The following SRSF10 variants were observed in gnomAD, a reference collection of about 807,000 sequenced individuals.
SRSF10 encodes serine/arginine-rich splicing factor 10.
SRSF10 carries 9 observed loss-of-function variants against 32.6 expected under a neutral mutation model. That is an observed-to-expected ratio of 0.28 (90% CI 0.17 to 0.48). The LOEUF (loss-of-function observed/expected upper bound fraction) is 0.48. Ranked by LOEUF, SRSF10 falls within the 20% of genes least tolerant of loss-of-function variation. The probability of loss-of-function intolerance (pLI) is 0.99; values close to 1 mark genes in which losing one functional copy is unlikely to be tolerated. For missense variants in SRSF10, 201 were observed against 331.8 expected, an observed-to-expected ratio of 0.61 and a Z score of 3.06; for synonymous variants, 105 against 112.4, an observed-to-expected ratio of 0.93 and a Z score of 0.42.
rs1379413227 is a variant in SRSF10, at chr1:23,970,366, T to TG, written c.*775_*776insC. On this transcript the variant is annotated 3_prime_UTR_variant, in exon 6 of 6. Coordinates refer to ENST00000492112, the MANE Select transcript of SRSF10 (RefSeq NM_054016.4). ...TTATCATTGGCCTAGACATCCGGTTTTTTTTTTTTTTTGAGACGGAGTCTC... is the reference window on the plus strand; with the variant it reads ...TTATCATTGGCCTAGACATCCGGTTTGTTTTTTTTTTTTGAGACGGAGTCTC... The TG allele has an allele frequency of 1.0e-6, 1 of 979,820 alleles. No homozygotes were observed. The highest frequency in any genetic ancestry group is 1.2e-6 in the Non-Finnish European group (1 of 826,172). The allele number at this position is 979,820 out of a possible 1,614,324, so 60.7% of individuals were successfully genotyped here.
chr1:23,971,977 C>T lies in SRSF10; in HGVS notation c.310G>A (p.Val104Met). The T allele has an allele frequency of 1.3e-6, 2 of 1,542,716 alleles. No homozygotes were observed. Among genetic ancestry groups the T allele is most frequent in the Non-Finnish European group, 1.7e-6 (2 of 1,151,866 alleles). ...TCATCATAGCGTGAAGAACTGTACA[C>T]ATTCCTCCCTTCCTTGGCTTTCATC... ...NQMKAKEGRN[V>M]YSSSRYDDYD... Residue 104 changes from valine (V) to methionine (M), a missense_variant, in exon 4 of 6, where the codon GTG (valine) becomes ATG (methionine). Val to Met is a conservative substitution (Grantham distance 21). Around this residue, in one of 3 missense-constraint regions of SRSF10, gnomAD observed 159 missense variants for 196.7 expected, o/e 0.81. Transcript: ENST00000492112.
chr1:23,971,886 A>G lies in SRSF10; in HGVS notation c.401T>C (p.Phe134Ser). ...ATACGATCTTCTATAGTTGTAATCAAAAGACCGACTTCTTGATCTCCTCCT... is the reference window on the plus strand; with the variant it reads ...ATACGATCTTCTATAGTTGTAATCAGAAGACCGACTTCTTGATCTCCTCCT... The part of the protein sequence containing the change: ...YERRRSRSRS[F>S]DYNYRRSYSP... Residue 134 changes from phenylalanine to serine, a missense_variant, in exon 4 of 6, where the codon TTT (phenylalanine) becomes TCT (serine). Phe to Ser is a radical substitution (Grantham distance 155). Coordinates refer to ENST00000492112, the MANE Select transcript of SRSF10 (RefSeq NM_054016.4). 6.2e-7 allele frequency: 1 copy of G among 1,609,706 alleles called. No homozygotes were observed. Among genetic ancestry groups the G allele is most frequent in the South Asian group, 1.1e-5 (1 of 90,250 alleles).
At chr1:23,978,896 G>C in intron 1 of SRSF10, 79 bp from the exon 2 acceptor site, 2 of 1,285,312 alleles carry the variant, frequency 1.6e-6, no homozygotes, top group South Asian at 3.2e-5. Context: ...TTTGATGAAG[G>C]AAAGCTAGGA....
At chr1:23,974,869 C>T (rs1474710237) in intron 3 of SRSF10, 105 bp downstream of exon 3, 2 of 807,380 alleles carry the variant, frequency 2.5e-6, no homozygotes, top group Non-Finnish European at 4.1e-6. Flanking sequence ...AAAAAAAGAT[C>T]CCTTTGGGTT....
chr1:23,977,871 T>TAAA (rs34976283), intron 2 of SRSF10: 879 of 841,454 alleles, frequency 1.0e-3, no homozygotes, highest in Middle Eastern at 3.0e-3. Context: ...TACAAAACAT[T>TAAA]AAAAAAAAAA....
rs1179629054 is a variant in SRSF10 at position 23,969,053 on chromosome 1, T to C, written c.*2089A>G. Reference sequence around the variant, plus strand: ...ATTGTTATTTTAGAATCATATTCAATACTGTAATAATTCCAGTTAATCATT... The same window carrying C: ...ATTGTTATTTTAGAATCATATTCAACACTGTAATAATTCCAGTTAATCATT... On this transcript the variant is annotated 3_prime_UTR_variant, in exon 6 of 6. Coordinates refer to ENST00000492112, the MANE Select transcript of SRSF10 (RefSeq NM_054016.4). The C allele has an allele frequency of 2.4e-5, 20 of 847,030 alleles. No homozygotes were observed. The highest frequency in any genetic ancestry group is 2.8e-5 in the Non-Finnish European group (20 of 703,382). The allele number at this position is 847,030 out of a possible 1,614,324, so 52.5% of individuals were successfully genotyped here. A position where few individuals can be genotyped will look rare whatever the true frequency, so the allele number is the denominator to read the frequency against.
rs1641656235 is a variant in SRSF10, at chr1:23,970,132, C to T, written c.*1010G>A. ...TTAGAATAACTACATAAGAATATTC[C>T]TTTTTCCTTAAAATTATTTTTGCCA... On this transcript the variant is annotated 3_prime_UTR_variant, in exon 6 of 6. Transcript: ENST00000492112. The T allele has an allele frequency of 2.0e-6, 2 of 985,142 alleles. No homozygotes were observed. Among genetic ancestry groups the T allele is most frequent in the South Asian group, 4.7e-5 (1 of 21,290 alleles). The allele number at this position is 985,142 out of a possible 1,614,324, so 61.0% of individuals were successfully genotyped here. A position where few individuals can be genotyped will look rare whatever the true frequency, so the allele number is the denominator to read the frequency against.
Position 23,970,895 on chromosome 1 carries a change from T to C in SRSF10, c.*247A>G. The C allele has an allele frequency of 8.3e-7, 1 of 1,207,934 alleles. No individual in the cohort carries two copies. The highest frequency in any genetic ancestry group is 1.0e-6 in the Non-Finnish European group (1 of 972,882). The allele number at this position is 1,207,934 out of a possible 1,614,324, so 74.8% of individuals were successfully genotyped here. ...CACCAAATACTTCAAGCATAAAAAATGAGAATCTTTACAAAAATATACAGA... is the reference window on the plus strand; with the variant it reads ...CACCAAATACTTCAAGCATAAAAAACGAGAATCTTTACAAAAATATACAGA... On this transcript the variant is annotated 3_prime_UTR_variant, in exon 6 of 6. Transcript: ENST00000492112.
chr1:23,976,010 C>A (rs1189637832), intron 2 of SRSF10: 1 of 152,204 alleles, frequency 6.6e-6, no homozygotes, highest in Non-Finnish European at 1.5e-5. Context: ...TATAGCTATT[C>A]TGTCCAAACC....
Position 23,970,611 on chromosome 1 carries a change from G to A in SRSF10, c.*531C>T, listed in dbSNP as rs1136890. 451,807 of 925,468 alleles carry A rather than the reference G, an allele frequency of 0.49. 113,484 individuals carry two copies. Among genetic ancestry groups the A allele is most frequent in the East Asian group, 0.57 (4,800 of 8,488 alleles). 57.3% of individuals were successfully genotyped at this position (925,468 alleles called of 1,614,324 possible). A position where few individuals can be genotyped will look rare whatever the true frequency, so the allele number is the denominator to read the frequency against. Reference sequence around the variant, plus strand: ...CCTGACCTCGTGATCCGCCCGCCTCGGCCTCCCAAAGTGCTGGGATTACAG... The same window carrying A: ...CCTGACCTCGTGATCCGCCCGCCTCAGCCTCCCAAAGTGCTGGGATTACAG... On this transcript the variant is annotated 3_prime_UTR_variant, in exon 6 of 6. Transcript: ENST00000492112.
At position 23,964,933 on chromosome 1, in the gene SRSF10, CCTCA is replaced by C. The variant is rs1165293706; in HGVS notation, c.*6205_*6208del. On this transcript the variant is annotated 3_prime_UTR_variant, in exon 6 of 6. Transcript: ENST00000492112. ...GGTTAGTTCTCAATGAATTTACATG[CCTCA>C]CTTTTTATTCCAAGAAAAATCCCCA... The C allele has an allele frequency of 1.3e-5, 2 of 151,934 alleles. No homozygotes were observed. The highest frequency in any genetic ancestry group is 2.9e-5 in the Non-Finnish European group (2 of 67,866). The allele number at this position is 151,934 out of a possible 1,614,324, so 9.4% of individuals were successfully genotyped here. A position where few individuals can be genotyped will look rare whatever the true frequency, so the allele number is the denominator to read the frequency against.
Position 23,969,427 on chromosome 1 carries a change from G to C in SRSF10, c.*1715C>G. 1 of 985,432 alleles carries C rather than the reference G, an allele frequency of 1.0e-6. No homozygotes were observed. The highest frequency in any genetic ancestry group is 1.2e-6 in the Non-Finnish European group (1 of 829,626). The allele number at this position is 985,432 out of a possible 1,614,324, so 61.0% of individuals were successfully genotyped here. A position where few individuals can be genotyped will look rare whatever the true frequency, so the allele number is the denominator to read the frequency against. On this transcript the variant is annotated 3_prime_UTR_variant, in exon 6 of 6. Coordinates refer to ENST00000492112, the MANE Select transcript of SRSF10 (RefSeq NM_054016.4). ...CATTAACTGCAAACAGTAAAGAAAT[G>C]AAAGTTAGAAATACTATCAAATATA...
At chr1:23,974,832 CAAAA>C in intron 3 of SRSF10, 138 bp downstream of exon 3, 7 of 507,118 alleles carry the variant, frequency 1.4e-5, no homozygotes, top group Non-Finnish European at 2.3e-5. Flanking sequence ...GACTCCGTCT[CAAAA>C]AAAAAAAAGA....
chr1:23,966,140 A>G lies in SRSF10; in HGVS notation c.*5002T>C, dbSNP rs1360241254. 6.6e-6 allele frequency: 1 copy of G among 151,974 alleles called. No homozygotes were observed. Among genetic ancestry groups the G allele is most frequent in the Non-Finnish European group, 1.5e-5 (1 of 67,836 alleles). 9.4% of individuals were successfully genotyped at this position (151,974 alleles called of 1,614,324 possible). A position where few individuals can be genotyped will look rare whatever the true frequency, so the allele number is the denominator to read the frequency against. On this transcript the variant is annotated 3_prime_UTR_variant, in exon 6 of 6. Coordinates refer to ENST00000492112, the MANE Select transcript of SRSF10 (RefSeq NM_054016.4). Reference sequence around the variant, plus strand: ...TAACAAAAGATGAAACAAGTGAAAAATTATGGGCTGTAACCTAGGATCTGA... The same window carrying G: ...TAACAAAAGATGAAACAAGTGAAAAGTTATGGGCTGTAACCTAGGATCTGA...
In SRSF10 at chr1:23,971,307, G is replaced by A. The variant is rs1641740860; in HGVS notation, c.624C>T (p.Thr208=). 6.2e-7 allele frequency: 1 copy of A among 1,613,410 alleles called. No homozygotes were observed. The highest frequency in any genetic ancestry group is 8.5e-7 in the Non-Finnish European group (1 of 1,179,888). The change falls in exon 6 of 6, where the codon ACC becomes ACT. Residue 208 remains threonine, a synonymous_variant. Transcript: ENST00000492112. ...RSASHTKTRG[T]SKTDSKTHYK... ...AATGTGTTTTGGAATCTGTTTTAGA[G>A]GTGCCTCTAGTTTTGGTGTGAGATG...
At chr1:23,974,951 A>AT (rs1641997336) in intron 3 of SRSF10, 23 bp downstream of exon 3, 1 of 1,508,484 alleles carries the variant, frequency 6.6e-7, no homozygotes, top group African/African-American at 1.4e-5. Context: ...TGTTTCATAC[A>AT]TATCAGGCAT....
intron 2 of SRSF10, chr1:23,975,729 G>A (rs1197758100): frequency 6.6e-6 from 1 of 152,176 alleles, no homozygotes; most frequent in Non-Finnish European, 1.5e-5. Flanking sequence ...TATACCAAAA[G>A]CGTTATTACA....
chr1:23,977,859 C>T (rs1391187384), intron 2 of SRSF10: 15 of 948,762 alleles, frequency 1.6e-5, no homozygotes, highest in Non-Finnish European at 1.8e-5. Context: ...AAATTAACTG[C>T]TTACAAAACA....
rs2148492819 is a variant in SRSF10, at chr1:23,966,910, C to T, written c.*4232G>A. The T allele has an allele frequency of 6.6e-6, 1 of 152,084 alleles. No homozygotes were observed. Among genetic ancestry groups the T allele is most frequent in the Non-Finnish European group, 1.5e-5 (1 of 67,922 alleles). The allele number at this position is 152,084 out of a possible 1,614,324, so 9.4% of individuals were successfully genotyped here. The stretch of plus-strand genomic sequence containing the variant: ...TGGTGTAAAATATTGTTATGAATAA[C>T]ACACCTCAAACAAAACAATGAGGCC... On this transcript the variant is annotated 3_prime_UTR_variant, in exon 6 of 6. Coordinates refer to ENST00000492112, the MANE Select transcript of SRSF10 (RefSeq NM_054016.4).
Sources: gnomAD v4.1 joint callset for allele counts on GRCh38, gnomAD v4.1.1 for gene constraint, gnomAD v4.1.1 regional missense constraint, MANE v1.5 for transcripts, NCBI Gene and HGNC (gene_info 2026-07-23, HGNC 2026-07-21) for gene names.